Variants in CWF19L2 observed in about 807,000 individuals in gnomAD.
CWF19L2 encodes the protein CWF19 like cell cycle control factor 2.
Under a neutral mutation model 111.7 loss-of-function variants are expected in CWF19L2, and 98 were observed. That is an observed-to-expected ratio of 0.88 (90% CI 0.75 to 1.04). The LOEUF (loss-of-function observed/expected upper bound fraction) is 1.04. Among genes scored for constraint, CWF19L2 ranks in the 50% least tolerant of loss-of-function variants. The pLI is 0.00. For synonymous variants in CWF19L2, 351 were observed against 342.9 expected, an observed-to-expected ratio of 1.02 and a Z score of -0.26; for missense variants, 1,101 against 1,051.4, an observed-to-expected ratio of 1.05 and a Z score of -0.65.
At chr11:107,336,287 C>G (rs1292456216) in intron 15 of CWF19L2, among the ~76,000 whole-genome samples, 1 of 152,056 alleles carries the variant, frequency 6.6e-6, no homozygotes, top group African/African-American at 2.4e-5. Context: ...GCTGGGACTA[C>G]AGGTGCCCAC....
intron 12 of CWF19L2, among the ~76,000 whole-genome samples, chr11:107,387,456 ACAAAACAAAAC>A: frequency 1.6e-5 from 1 of 63,524 alleles, no homozygotes; most frequent in African/African-American, 8.7e-5. Context: ...ACAAAACAAA[ACAAAACAAAAC>A]AAAAAACAAA....
Position 107,416,289 on chromosome 11 carries a change from C to T in CWF19L2, c.1537G>A (p.Glu513Lys). 1 of 1,425,224 alleles carries T rather than the reference C, an allele frequency of 7.0e-7. No individual in the cohort carries two copies. Among genetic ancestry groups the T allele is most frequent in the Non-Finnish European group, 9.4e-7 (1 of 1,062,080 alleles). The allele number at this position is 1,425,224 out of a possible 1,614,324, so 88.3% of individuals were successfully genotyped here. A position where few individuals can be genotyped will look rare whatever the true frequency, so the allele number is the denominator to read the frequency against. Residue 513 changes from glutamate to lysine, a missense_variant, in exon 10 of 18, where the codon GAA becomes AAA. Transcript: ENST00000282251. ...AEMMGNMELA[E>K]QLKVQLEKAN... Reference sequence around the variant, plus strand: ...TTTTCAAGTTGAACTTTAAGTTGTTCAGCTAATTCCTTCAAAAAGAAAAAC... The same window carrying T: ...TTTTCAAGTTGAACTTTAAGTTGTTTAGCTAATTCCTTCAAAAAGAAAAAC...
intron 12 of CWF19L2, among the ~76,000 whole-genome samples, chr11:107,357,045 CAAAACA>C (rs60904777): frequency 0.018 from 2,781 of 151,050 alleles, 36 homozygotes; most frequent in Middle Eastern, 0.048. Context: ...TCTCAAACAA[CAAAACA>C]AAAACAAAAA....
intron 8 of CWF19L2, among the ~76,000 whole-genome samples, chr11:107,426,690 T>C (rs1003450276): frequency 3.3e-5 from 5 of 151,920 alleles, no homozygotes; most frequent in Non-Finnish European, 7.4e-5. Context: ...CTTTAAGATA[T>C]ACTTATTGGG....
intron 10 of CWF19L2, among the ~76,000 whole-genome samples, chr11:107,398,360 T>C (rs1442979041): frequency 6.6e-6 from 1 of 152,168 alleles, no homozygotes; most frequent in Non-Finnish European, 1.5e-5. Flanking sequence ...CAGGAAACTT[T>C]GGACACACTT....
rs367925482 is a variant in CWF19L2, at chr11:107,353,662, A to G, written c.1947T>C (p.Arg649=). 1 of 1,613,790 alleles carries G rather than the reference A, an allele frequency of 6.2e-7. No homozygotes were observed. Among genetic ancestry groups the G allele is most frequent in the African/African-American group, 1.3e-5 (1 of 75,030 alleles). Residue 649 remains arginine (R), a synonymous_variant, in exon 13 of 18, where the codon CGT becomes CGC. Transcript: ENST00000282251. ...MFVSKAAERE[R]LGEEEENQRK... Reference sequence around the variant, plus strand: ...TTTGGTTCTCTTCCTCTTCACCAAGACGTTCTCTCTCAGCTGCTTTGGAGA... The same window carrying G: ...TTTGGTTCTCTTCCTCTTCACCAAGGCGTTCTCTCTCAGCTGCTTTGGAGA...
chr11:107,403,454 G>A (rs1204152479), intron 10 of CWF19L2: 3 of 796,782 alleles, frequency 3.8e-6, no homozygotes, highest in Non-Finnish European at 6.8e-6. Flanking sequence ...TTCCACTGTT[G>A]TGCTGTTGCT....
intron 12 of CWF19L2, among the ~76,000 whole-genome samples, chr11:107,380,046 CAAA>C (rs66699460): frequency 0.03 from 1,019 of 34,286 alleles, 1 homozygote; most frequent in Middle Eastern, 0.11. Flanking sequence ...GACACCGTCT[CAAA>C]AAAAAAAAAA....
intron 7 of CWF19L2, among the ~76,000 whole-genome samples, chr11:107,432,379 C>G (rs1232452413): frequency 6.6e-6 from 1 of 152,148 alleles, no homozygotes; most frequent in Non-Finnish European, 1.5e-5. Flanking sequence ...AGTTCAAGAC[C>G]AGCCTGACCA....
At chr11:107,390,000 C>T (rs1860824254) in intron 12 of CWF19L2, 74 bp downstream of exon 12, 1 of 1,301,450 alleles carries the variant, frequency 7.7e-7, no homozygotes, top group East Asian at 2.4e-5. Context: ...CCAGATCTCT[C>T]CAAAAAGCAG....
chr11:107,407,491 CT>C (rs1861096187), intron 10 of CWF19L2, among the ~76,000 whole-genome samples: 1 of 151,800 alleles, frequency 6.6e-6, no homozygotes, highest in African/African-American at 2.4e-5. Flanking sequence ...AGTATAAGGA[CT>C]CAGTATTTTT....
At chr11:107,453,633 C>T (rs1221232593) in intron 3 of CWF19L2, among the ~76,000 whole-genome samples, 3 of 151,388 alleles carry the variant, frequency 2.0e-5, no homozygotes, top group African/African-American at 4.9e-5. Context: ...ATGGGGAGAG[C>T]CTCCTTCTGC....
intron 3 of CWF19L2, among the ~76,000 whole-genome samples, chr11:107,452,267 G>GT (rs939548776): frequency 1.1e-4 from 17 of 151,472 alleles, no homozygotes; most frequent in African/African-American, 2.9e-4. Flanking sequence ...TCAAAAGCAG[G>GT]TTTTTTTTCA....
chr11:107,436,713 C>A (rs2135416629), intron 6 of CWF19L2, among the ~76,000 whole-genome samples: 1 of 152,176 alleles, frequency 6.6e-6, no homozygotes, highest in Middle Eastern at 3.4e-3. Context: ...AGCAAGAATT[C>A]CTACTAACTA....
At chr11:107,387,128 C>A (rs149335223) in intron 12 of CWF19L2, among the ~76,000 whole-genome samples, 53 of 152,200 alleles carry the variant, frequency 3.5e-4, no homozygotes, top group African/African-American at 1.2e-3. Flanking sequence ...GGGGCAGTCA[C>A]CCTACACTAC....
rs749448575 is a variant in CWF19L2 at position 107,429,356 on chromosome 11, A to G, written c.876T>C (p.Tyr292=). 42 of 1,601,886 alleles carry G rather than the reference A, an allele frequency of 2.6e-5. No individual in the cohort carries two copies. Among genetic ancestry groups the G allele is most frequent in the Non-Finnish European group, 3.5e-5 (41 of 1,172,792 alleles). ...CTTGACAATTTTGTGCTTTATCTGA[A>G]TATGTGGGTTTCCTCCACCGTTCCC... is the stretch of plus-strand genomic sequence containing the variant. ...YRRERWRKPT[Y]SDKAQNCQES... The change falls in exon 8 of 18, where the codon TAT becomes TAC. Residue 292 remains tyrosine (Y), a synonymous_variant. Coordinates refer to ENST00000282251, the MANE Select transcript of CWF19L2 (RefSeq NM_152434.3).
chr11:107,373,454 T>C (rs1215048095), intron 12 of CWF19L2, among the ~76,000 whole-genome samples: 1 of 130,764 alleles, frequency 7.6e-6, no homozygotes, highest in Non-Finnish European at 1.6e-5. Context: ...CTCAAGTGGG[T>C]CCCTGACCCC....
chr11:107,448,074 A>C (rs1298365519), intron 3 of CWF19L2, among the ~76,000 whole-genome samples: 2 of 152,140 alleles, frequency 1.3e-5, no homozygotes, highest in Non-Finnish European at 2.9e-5. Context: ...GGCCAGGCGC[A>C]GTGGCTCACA....
intron 6 of CWF19L2, among the ~76,000 whole-genome samples, chr11:107,436,838 C>T (rs1443068771): frequency 6.6e-6 from 1 of 152,156 alleles, no homozygotes; most frequent in African/African-American, 2.4e-5. Flanking sequence ...AATTACCTGG[C>T]CACTCTAAGC....
Sources: allele counts gnomAD v4.1 joint callset (sites outside exome capture counted in the v4.1 genomes callset), GRCh38; gene constraint gnomAD v4.1.1; transcripts MANE v1.5; gene names NCBI Gene and HGNC (gene_info 2026-07-23, HGNC 2026-07-21).